RPL5: variants seen among roughly 807,000 people sequenced by gnomAD.
RPL5 encodes ribosomal protein L5.
Under a neutral mutation model 38.4 loss-of-function variants are expected in RPL5, and 1 was observed. The observed-to-expected ratio is 0.03, with a 90% confidence interval of 0.01 to 0.12. RPL5 has a LOEUF of 0.12. RPL5 is among the 10% of genes least tolerant of loss of function. The pLI, the probability that RPL5 is intolerant of heterozygous loss-of-function variation, is 1.00. For synonymous variants in RPL5, 109 were observed against 121.2 expected (o/e 0.90, Z 0.66); for missense variants, 243 against 374.1 (o/e 0.65, Z 2.89).
intron 7 of RPL5, chr1:92,840,984 A>G (rs1368944410): frequency 1.5e-5 from 6 of 410,354 alleles, no homozygotes; most frequent in Non-Finnish European, 2.8e-5. Flanking sequence ...GATGGCCCAC[A>G]AATACAATGT....
rs551112484 is a variant in RPL5, at chr1:92,832,045, T to G, written c.-70T>G. On this transcript the variant is annotated 5_prime_UTR_variant, in exon 1 of 8. Coordinates refer to ENST00000370321, the MANE Select transcript of RPL5 (RefSeq NM_000969.5). ...GCCTGCGCAAGGGCTGTGGCCCTTT[T>G]CCCACCCCCTAGCGCCGCTGGGCCT... The G allele has an allele frequency of 1.1e-5, 18 of 1,607,928 alleles. No homozygotes were observed. The African/African-American group carries it at 2.0e-4, about 18-fold the overall frequency.
intron 1 of RPL5, 152 bp downstream of exon 1, chr1:92,832,269 G>A (rs1686937682): frequency 3.2e-6 from 4 of 1,248,990 alleles, no homozygotes; most frequent in South Asian, 1.3e-5. Context: ...TCCCAGCGTG[G>A]CCTTAAATGG....
intron 1 of RPL5, 85 bp from the exon 2 acceptor site, chr1:92,833,304 T>G: frequency 9.2e-7 from 1 of 1,092,274 alleles, no homozygotes; most frequent in Non-Finnish European, 1.4e-6. Flanking sequence ...GAAGTTCAAG[T>G]GTTACTTTGT....
intron 1 of RPL5, 78 bp downstream of exon 1, chr1:92,832,195 G>T: frequency 6.3e-7 from 1 of 1,595,442 alleles, no homozygotes; most frequent in South Asian, 1.1e-5. Context: ...CCTAGGGCCC[G>T]TCTCGCGCGT....
intron 1 of RPL5, chr1:92,832,649 G>A: frequency 3.2e-6 from 1 of 317,310 alleles, no homozygotes; most frequent in Non-Finnish European, 5.9e-6. Context: ...CTTGGAGGCC[G>A]AGGGGTCCCT....
intron 7 of RPL5, 114 bp downstream of exon 7, chr1:92,840,753 C>G (rs762740060): frequency 2.4e-6 from 2 of 834,162 alleles, no homozygotes; most frequent in Non-Finnish European, 4.1e-6. Context: ...CGTGATGTGG[C>G]AGAAGCGAAG....
chr1:92,834,221 T>C (rs1687029189), intron 3 of RPL5, among the ~76,000 whole-genome samples: 1 of 152,202 alleles, frequency 6.6e-6, no homozygotes, highest in Admixed American at 6.5e-5. Context: ...ACTTAACCAC[T>C]GAAAAGGTAG....
intron 6 of RPL5, among the ~76,000 whole-genome samples, chr1:92,838,116 C>T (rs966811811): frequency 2.0e-5 from 3 of 152,194 alleles, no homozygotes; most frequent in Non-Finnish European, 2.9e-5. Context: ...GAGAGCCATT[C>T]CTGACCCAGG....
At position 92,837,386 on chromosome 1, in the gene RPL5, C is replaced by G. The variant is rs776845472; in HGVS notation, c.528-70C>G. On this transcript the variant is annotated intron_variant, in intron 5 of 7. Transcript: ENST00000370321. ...TTCAAGACGGGACTGATGGCAGCTA[C>G]TAAAGTAAATTCTTACTAGTAAACT... 3 of 1,345,532 alleles carry G rather than the reference C, an allele frequency of 2.2e-6. No individual in the cohort carries two copies. In the South Asian group the frequency reaches 3.5e-5, roughly 16 times the overall value. The allele number at this position is 1,345,532 out of a possible 1,614,324, so 83.3% of individuals were successfully genotyped here.
At chr1:92,836,456 G>A in intron 5 of RPL5, 64 bp downstream of exon 5, 3 of 1,436,464 alleles carry the variant, frequency 2.1e-6, no homozygotes, top group Non-Finnish European at 2.9e-6. Flanking sequence ...TAACTAGTTG[G>A]ACTGTGGAGA....
intron 3 of RPL5, 150 bp from the exon 4 acceptor site, chr1:92,834,629 A>G (rs1282525267): frequency 2.0e-5 from 20 of 1,015,372 alleles, no homozygotes; most frequent in Non-Finnish European, 2.2e-5. Context: ...AGCACCTCTA[A>G]TTTACTGGTA....
intron 1 of RPL5, chr1:92,832,774 T>G: frequency 3.9e-6 from 2 of 506,678 alleles, no homozygotes; most frequent in Non-Finnish European, 7.0e-6. Flanking sequence ...GGATGAAATG[T>G]TGCTTTAGCT....
intron 6 of RPL5, among the ~76,000 whole-genome samples, chr1:92,839,658 A>G (rs1202160828): frequency 6.6e-6 from 1 of 152,222 alleles, no homozygotes; most frequent in Non-Finnish European, 1.5e-5. Context: ...TCTTGGTCCC[A>G]TACGTTCATC....
rs41286819 is a variant in RPL5, at chr1:92,841,745, A to G, written c.795-21A>G. On this transcript the variant is annotated intron_variant, in intron 7 of 7. Transcript: ENST00000370321. Reference sequence around the variant, plus strand: ...TCTCTTCAGTTATAGTTTAAAAAATATATATTCCTATCTTTTGTAGGTGGA... The same window carrying G: ...TCTCTTCAGTTATAGTTTAAAAAATGTATATTCCTATCTTTTGTAGGTGGA... 45,562 of 1,534,456 alleles carry G rather than the reference A, an allele frequency of 0.03. 866 individuals are homozygous for G. The highest frequency in any genetic ancestry group is 0.034 in the Non-Finnish European group (38,028 of 1,111,212).
In RPL5 at chr1:92,840,649, CTTTT is replaced by C. The variant is rs747509136; in HGVS notation, c.794+16_794+19del. 151 of 1,573,308 alleles carry C rather than the reference CTTTT, an allele frequency of 9.6e-5. 1 individual carries two copies. In the Admixed American group the frequency reaches 2.4e-3, roughly 25 times the overall value. ...AAGTTAAAAAGAAGAGGTATGTCGT[CTTTT>C]TTTTTGTCTTTTCAAGAAAACAGGT... is the stretch of plus-strand genomic sequence containing the variant. On this transcript the variant is annotated intron_variant, in intron 7 of 7. Transcript: ENST00000370321.
intron 1 of RPL5, 56 bp from the exon 2 acceptor site, chr1:92,833,333 C>T (rs752988812): frequency 6.2e-5 from 86 of 1,382,852 alleles, no homozygotes; most frequent in Non-Finnish European, 8.1e-5. Flanking sequence ...TAATTTATGT[C>T]AAAAGTATCA....
chr1:92,837,814 G>T, intron 6 of RPL5, 181 bp downstream of exon 6: 1 of 616,436 alleles, frequency 1.6e-6, no homozygotes, highest in Non-Finnish European at 2.9e-6. Context: ...AGCATCTGAA[G>T]ATTTGGCTAC....
intron 6 of RPL5, among the ~76,000 whole-genome samples, chr1:92,840,089 G>A (rs1319054273): frequency 6.6e-6 from 1 of 150,412 alleles, no homozygotes; most frequent in African/African-American, 2.5e-5. Context: ...AGCTGTGATT[G>A]TGCCACTGCA....
chr1:92,840,694 C>T (rs756230273), intron 7 of RPL5, 55 bp downstream of exon 7: 21 of 1,252,574 alleles, frequency 1.7e-5, no homozygotes, highest in African/African-American at 2.9e-5. Flanking sequence ...ATGGTTCCCA[C>T]GTGGGGCAGA....
Sources: allele counts gnomAD v4.1 joint callset (sites outside exome capture counted in the v4.1 genomes callset), GRCh38; gene constraint gnomAD v4.1.1; transcripts MANE v1.5; gene names NCBI Gene and HGNC (gene_info 2026-07-23, HGNC 2026-07-21).